ATAD2B: variants seen among roughly 807,000 people sequenced by gnomAD.
The protein encoded by ATAD2B is ATPase family AAA domain containing 2B, also known as ATPase family AAA domain-containing protein 2B.
Under a neutral mutation model 167.6 loss-of-function variants are expected in ATAD2B, and 40 were observed. The observed-to-expected ratio is 0.24, with a 90% confidence interval of 0.19 to 0.31. The LOEUF (loss-of-function observed/expected upper bound fraction) is 0.31. ATAD2B is among the 10% of genes least tolerant of loss of function. The pLI is 1.00. For synonymous variants in ATAD2B, 579 were observed against 596.5 expected, an observed-to-expected ratio of 0.97 and a Z score of 0.43; for missense variants, 1,242 against 1,757.2, an observed-to-expected ratio of 0.71 and a Z score of 5.24.
chr2:23,770,925 G>T (rs530523716), intron 22 of ATAD2B, among the ~76,000 whole-genome samples: 23 of 152,300 alleles, frequency 1.5e-4, no homozygotes, highest in African/African-American at 5.5e-4. Flanking sequence ...AATCTGGAGA[G>T]AAATTACATT....
chr2:23,922,923 G>A (rs569954680), intron 1 of ATAD2B, among the ~76,000 whole-genome samples: 3 of 152,188 alleles, frequency 2.0e-5, no homozygotes, highest in African/African-American at 4.8e-5. Context: ...GCAAAATGGT[G>A]CAGCCACTAT....
intron 16 of ATAD2B, among the ~76,000 whole-genome samples, chr2:23,820,579 TA>T (rs1687289499): frequency 6.6e-6 from 1 of 152,076 alleles, no homozygotes; most frequent in Non-Finnish European, 1.5e-5. Flanking sequence ...ATTCATTCAA[TA>T]AAAAGCAATG....
intron 4 of ATAD2B, among the ~76,000 whole-genome samples, chr2:23,886,601 C>A (rs1003344929): frequency 6.6e-6 from 1 of 152,070 alleles, no homozygotes; most frequent in Middle Eastern, 3.2e-3. Context: ...ACTGGAAAGA[C>A]TCTTTTAGAA....
chr2:23,833,654 A>G (rs1460043057), intron 14 of ATAD2B, among the ~76,000 whole-genome samples: 3 of 152,214 alleles, frequency 2.0e-5, no homozygotes, highest in African/African-American at 7.2e-5. Flanking sequence ...GACAATTACT[A>G]CAATCTGGAG....
At chr2:23,792,194 C>T (rs568658664) in intron 19 of ATAD2B, among the ~76,000 whole-genome samples, 2 of 151,720 alleles carry the variant, frequency 1.3e-5, no homozygotes, top group Non-Finnish European at 2.9e-5. Flanking sequence ...TCCCAAGCAG[C>T]GTGCCACCAC....
the ATAD2B span, among the ~76,000 whole-genome samples, chr2:23,713,261 T>C: frequency 6.6e-6 from 1 of 152,264 alleles, no homozygotes; most frequent in Non-Finnish European, 1.5e-5. Flanking sequence ...CCTGGGACTT[T>C]ACGTTCCTGT....
the ATAD2B span, chr2:23,695,795 C>G: frequency 6.4e-7 from 1 of 1,550,548 alleles, no homozygotes. The surrounding 1 kb of genome is among the most constrained non-coding windows in gnomAD (Gnocchi z 7.6). Flanking sequence ...ATGCAGACGC[C>G]CCGAACCCGG....
chr2:23,704,528 A>G, the ATAD2B span, among the ~76,000 whole-genome samples: 1 of 152,332 alleles, frequency 6.6e-6, no homozygotes, highest in South Asian at 2.1e-4. Context: ...GCACTTTGGG[A>G]GGCCGAGGCG....
At chr2:23,827,446 T>C (rs1267513404) in intron 15 of ATAD2B, among the ~76,000 whole-genome samples, 6 of 152,226 alleles carry the variant, frequency 3.9e-5, no homozygotes, top group Non-Finnish European at 5.9e-5. Flanking sequence ...GACAGTATAA[T>C]AGAAAGTAAT....
At chr2:23,920,691 T>G (rs1703782743) in intron 1 of ATAD2B, among the ~76,000 whole-genome samples, 1 of 151,984 alleles carries the variant, frequency 6.6e-6, no homozygotes, top group Non-Finnish European at 1.5e-5. Flanking sequence ...CAGATAAAAC[T>G]ACAAAACTTA....
chr2:23,699,691 C>T, the ATAD2B span, among the ~76,000 whole-genome samples: 326 of 152,286 alleles, frequency 2.1e-3, no homozygotes, highest in Non-Finnish European at 3.3e-3. Context: ...TTTGCCTTCT[C>T]GGCGCCCAGC....
the ATAD2B span, among the ~76,000 whole-genome samples, chr2:23,679,216 T>G: frequency 6.6e-6 from 1 of 152,196 alleles, no homozygotes; most frequent in Non-Finnish European, 1.5e-5. Context: ...TAAAATTGAG[T>G]GTTTTAAAAA....
At position 23,871,994 on chromosome 2, in the gene ATAD2B, C is replaced by T. The variant is rs141905900; in HGVS notation, c.978-2233G>A. On this transcript the variant is annotated intron_variant, in intron 8 of 27. Transcript: ENST00000238789. ...CTGGGTTCACGCGATTCTCCTGCCT[C>T]AAGTTCCCAAGTAGCTGGGATTACA... Among the ~76,000 whole-genome samples the T allele has an allele frequency of 3.4e-3, 525 of 152,236 alleles. 4 individuals are homozygous for T. Among genetic ancestry groups the T allele is most frequent in the African/African-American group, 0.012 (510 of 41,554 alleles).
At chr2:23,912,533 C>T (rs901331647) in intron 1 of ATAD2B, among the ~76,000 whole-genome samples, 1 of 151,534 alleles carries the variant, frequency 6.6e-6, no homozygotes, top group Non-Finnish European at 1.5e-5. Flanking sequence ...AAAAGAAATG[C>T]CCAACTGTTT....
chr2:23,692,802 T>C, the ATAD2B span, among the ~76,000 whole-genome samples: 154 of 151,392 alleles, frequency 1.0e-3, no homozygotes, highest in African/African-American at 3.5e-3. Context: ...CCAGATTGAG[T>C]GGGGCAGAAG....
chr2:23,921,202 T>A, intron 1 of ATAD2B, among the ~76,000 whole-genome samples: 2 of 36,728 alleles, frequency 5.4e-5, no homozygotes, highest in African/African-American at 1.2e-4. Flanking sequence ...TAAGACTCCA[T>A]CTCAAAAAAA....
intron 20 of ATAD2B, chr2:23,788,291 C>T: frequency 2.0e-6 from 1 of 503,354 alleles, no homozygotes; most frequent in Non-Finnish European, 3.5e-6. Flanking sequence ...TGGTTGAAGT[C>T]ATAAGAAGAA....
chr2:23,913,832 C>T (rs1444769154), intron 1 of ATAD2B, among the ~76,000 whole-genome samples: 1 of 151,914 alleles, frequency 6.6e-6, no homozygotes, highest in African/African-American at 2.4e-5. Context: ...CCTGGTAGAA[C>T]GGCTCATGCC....
Position 23,903,380 on chromosome 2 carries a change from T to TATA in ATAD2B, c.217-7413_217-7411dup, listed in dbSNP as rs148441083. Among the ~76,000 whole-genome samples, 360 of 152,118 alleles carry TATA rather than the reference T, an allele frequency of 2.4e-3. 2 individuals are homozygous for TATA. The highest frequency in any genetic ancestry group is 8.2e-3 in the African/African-American group (342 of 41,504). On this transcript the variant is annotated intron_variant, in intron 1 of 27. Transcript: ENST00000238789. ...AGGATGAGATAACTTCCAAGAGAAG[T>TATA]ATAATAATAATAATGTAAAATCCTA... is the stretch of plus-strand genomic sequence containing the variant.
Sources: allele counts gnomAD v4.1 joint callset (sites outside exome capture counted in the v4.1 genomes callset), GRCh38; gene constraint gnomAD v4.1.1; non-coding constraint Gnocchi (gnomAD v3.1); transcripts MANE v1.5; gene names NCBI Gene and HGNC (gene_info 2026-07-23, HGNC 2026-07-21).